KCNH8: variants seen among roughly 807,000 people sequenced by gnomAD.
KCNH8 encodes the protein voltage-gated delayed rectifier potassium channel KCNH8.
A neutral mutation model predicts 103.6 loss-of-function variants in KCNH8; 70 were observed. The ratio of observed to expected loss-of-function variants is 0.68; its 90% confidence interval spans 0.56 to 0.82. KCNH8 has a LOEUF of 0.82. Ranked by LOEUF, KCNH8 falls within the 40% of genes least tolerant of loss-of-function variation. The probability of loss-of-function intolerance (pLI) is 0.00; values close to 1 mark genes in which losing one functional copy is unlikely to be tolerated. For synonymous variants in KCNH8, 498 were observed against 489.4 expected (o/e 1.02, Z -0.23); for missense variants, 1,217 against 1,329.9 (o/e 0.92, Z 1.32).
intron 7 of KCNH8, among the ~76,000 whole-genome samples, chr3:19,406,343 T>G (rs2066690953): frequency 6.6e-6 from 1 of 152,124 alleles, no homozygotes; most frequent in South Asian, 2.1e-4. Flanking sequence ...TCAATTTTGC[T>G]ATTGAAACAA....
chr3:19,305,248 C>T (rs927250793), intron 3 of KCNH8, among the ~76,000 whole-genome samples: 1 of 152,108 alleles, frequency 6.6e-6, no homozygotes, highest in Non-Finnish European at 1.5e-5. Flanking sequence ...CTATATCCAG[C>T]ATAATTGCCA....
At chr3:19,505,647 G>T (rs1159866315) in intron 11 of KCNH8, among the ~76,000 whole-genome samples, 1 of 152,056 alleles carries the variant, frequency 6.6e-6, no homozygotes, top group Non-Finnish European at 1.5e-5. Context: ...TCTTGGGGAT[G>T]TCTTTCTCTT....
intron 3 of KCNH8, among the ~76,000 whole-genome samples, chr3:19,339,788 C>CAG (rs1167459792): frequency 6.6e-6 from 1 of 151,946 alleles, no homozygotes; most frequent in Non-Finnish European, 1.5e-5. Context: ...TAAAGCATCC[C>CAG]AGAGTGGTGT....
chr3:19,495,931 A>T (rs2068431130), intron 11 of KCNH8, among the ~76,000 whole-genome samples: 1 of 152,102 alleles, frequency 6.6e-6, no homozygotes, highest in African/African-American at 2.4e-5. Context: ...GGTTAGCTGT[A>T]TTCCTCAGTA....
chr3:19,462,532 C>T lies in KCNH8; in HGVS notation c.2040+5550C>T, dbSNP rs184987210. 1.2e-3 allele frequency among the ~76,000 whole-genome samples: 177 copies of T among 151,962 alleles called. 2 individuals carry two copies. The highest frequency in any genetic ancestry group is 4.2e-3 in the South Asian group (20 of 4,814). On this transcript the variant is annotated intron_variant, in intron 11 of 15. Coordinates refer to ENST00000328405, the MANE Select transcript of KCNH8 (RefSeq NM_144633.3). ...ATTTGTTTAAGTTCTTTGTAGATTC[C>T]GGGTATTAGCCCTTTGTCAGGTGGG... is the stretch of plus-strand genomic sequence containing the variant.
intron 11 of KCNH8, among the ~76,000 whole-genome samples, chr3:19,481,000 CTATAAGGT>C (rs773940850): frequency 6.6e-6 from 1 of 152,106 alleles, no homozygotes; most frequent in Non-Finnish European, 1.5e-5. Context: ...CTTTCCCACT[CTATAAGGT>C]TATAAAGCCT....
intron 7 of KCNH8, among the ~76,000 whole-genome samples, chr3:19,433,460 T>C (rs1378821322): frequency 1.3e-5 from 2 of 152,334 alleles, no homozygotes; most frequent in African/African-American, 4.8e-5. Context: ...CATTACAGAA[T>C]ATTATTTCAC....
At chr3:19,247,649 G>A (rs2064223411) in intron 1 of KCNH8, among the ~76,000 whole-genome samples, 1 of 152,134 alleles carries the variant, frequency 6.6e-6, no homozygotes, top group South Asian at 2.1e-4. Flanking sequence ...CCAATGCAAG[G>A]ATTCTTTTTA....
intron 11 of KCNH8, among the ~76,000 whole-genome samples, chr3:19,477,908 C>T (rs1016240454): frequency 2.0e-5 from 3 of 151,836 alleles, no homozygotes; most frequent in Non-Finnish European, 2.9e-5. Context: ...AGTAATTTTT[C>T]AACCCTGACC....
intron 11 of KCNH8, among the ~76,000 whole-genome samples, chr3:19,473,548 T>C (rs558973843): frequency 3.3e-5 from 5 of 152,366 alleles, no homozygotes; most frequent in South Asian, 4.1e-4. Context: ...TTCTTCATCC[T>C]TCCCTTGCTC....
At chr3:19,235,142 A>T (rs1037537698) in intron 1 of KCNH8, among the ~76,000 whole-genome samples, 1 of 152,206 alleles carries the variant, frequency 6.6e-6, no homozygotes, top group African/African-American at 2.4e-5. Context: ...CTATGGTAAA[A>T]TTGGTTTTAT....
chr3:19,201,231 C>CAAAAAA (rs1170312203), intron 1 of KCNH8, among the ~76,000 whole-genome samples: 568 of 22,030 alleles, frequency 0.026, 197 homozygotes, highest in South Asian at 0.038. Context: ...GACTCTGCCT[C>CAAAAAA]AAAAAAAAAA....
intron 7 of KCNH8, among the ~76,000 whole-genome samples, chr3:19,415,701 CA>C (rs1399834867): frequency 1.3e-5 from 2 of 152,100 alleles, no homozygotes; most frequent in Middle Eastern, 3.4e-3. Context: ...TAGGTTGGTG[CA>C]AAAGTAATTT....
intron 5 of KCNH8, among the ~76,000 whole-genome samples, chr3:19,372,261 A>G (rs988467558): frequency 5.3e-5 from 8 of 151,946 alleles, no homozygotes; most frequent in Admixed American, 2.6e-4. Flanking sequence ...ATGTTCTTCC[A>G]TTTGTTTGTA....
rs2064327674 is a variant in KCNH8, at chr3:19,254,904, G to A, written c.310+1017G>A. On this transcript the variant is annotated intron_variant, in intron 2 of 15. Coordinates refer to ENST00000328405, the MANE Select transcript of KCNH8 (RefSeq NM_144633.3). Reference sequence around the variant, plus strand: ...ATCTCTGGGTAAAATAACTGAAAGTGAAATTGTTCTCTAATTTATCTCCTT... The same window carrying A: ...ATCTCTGGGTAAAATAACTGAAAGTAAAATTGTTCTCTAATTTATCTCCTT... 2.0e-5 allele frequency among the ~76,000 whole-genome samples: 3 copies of A among 152,246 alleles called. No individual in the cohort carries two copies. The South Asian group carries it at 6.2e-4, about 32-fold the overall frequency.
At chr3:19,486,657 A>C (rs2068217365) in intron 11 of KCNH8, among the ~76,000 whole-genome samples, 1 of 152,130 alleles carries the variant, frequency 6.6e-6, no homozygotes, top group African/African-American at 2.4e-5. Context: ...GGCCAACGTA[A>C]GTTTTTCCTT....
intron 3 of KCNH8, among the ~76,000 whole-genome samples, chr3:19,290,389 A>C (rs2064901817): frequency 6.6e-6 from 1 of 152,156 alleles, no homozygotes; most frequent in Non-Finnish European, 1.5e-5. Context: ...GGTTTGTCAT[A>C]TATAGCTCTT....
chr3:19,250,228 G>A (rs1230079716), intron 1 of KCNH8, among the ~76,000 whole-genome samples: 2 of 151,880 alleles, frequency 1.3e-5, no homozygotes, highest in Non-Finnish European at 2.9e-5. Flanking sequence ...TTGTGTCACT[G>A]CACTCCAGCC....
Position 19,399,645 on chromosome 3 carries a change from A to G in KCNH8, c.1177+4334A>G, listed in dbSNP as rs374133122. On this transcript the variant is annotated intron_variant, in intron 7 of 15. Transcript: ENST00000328405. ...ACTCACTTCACATAGTATCTGGTAC[A>G]TAGTGTGTGCTTGCAGTTGGTAACT... Among the ~76,000 whole-genome samples, 24 of 152,058 alleles carry G rather than the reference A, an allele frequency of 1.6e-4. No homozygotes were observed. The East Asian group carries it at 3.7e-3, about 23-fold the overall frequency.
Sources: gnomAD v4.1 joint callset for allele counts (sites outside exome capture counted in the v4.1 genomes callset) on GRCh38, gnomAD v4.1.1 for gene constraint, MANE v1.5 for transcripts, NCBI Gene and HGNC (gene_info 2026-07-23, HGNC 2026-07-21) for gene names.